Variants in NEGR1 observed in about 807,000 individuals in gnomAD.
NEGR1 encodes the protein neuronal growth regulator 1.
Under a neutral mutation model 40.9 loss-of-function variants are expected in NEGR1, and 10 were observed. The observed-to-expected ratio is 0.24, with a 90% confidence interval of 0.15 to 0.42. The LOEUF (loss-of-function observed/expected upper bound fraction) is 0.42, where lower values mean the gene tolerates loss of function less well. Among genes scored for constraint, NEGR1 ranks in the 10% least tolerant of loss-of-function variants. The probability of loss-of-function intolerance (pLI) is 1.00; values close to 1 mark genes in which losing one functional copy is unlikely to be tolerated. For synonymous variants in NEGR1, 185 were observed against 166.8 expected (o/e 1.11, Z -0.84); for missense variants, 352 against 438.9 (o/e 0.80, Z 1.77).
At chr1:71,472,122 G>T (rs1646786699) in intron 6 of NEGR1, among the ~76,000 whole-genome samples, 1 of 152,094 alleles carries the variant, frequency 6.6e-6, no homozygotes, top group African/African-American at 2.4e-5. Context: ...ATTTGAGATT[G>T]GATGATCTCT....
At chr1:71,671,569 G>T (rs149210320) in intron 4 of NEGR1, among the ~76,000 whole-genome samples, 1 of 152,128 alleles carries the variant, frequency 6.6e-6, no homozygotes, top group Non-Finnish European at 1.5e-5. Flanking sequence ...TGATTTCCAG[G>T]TTATTGTTCA....
chr1:72,133,008 A>C (rs1298529813), intron 1 of NEGR1, among the ~76,000 whole-genome samples: 4 of 152,112 alleles, frequency 2.6e-5, no homozygotes, highest in Non-Finnish European at 4.4e-5. Flanking sequence ...AAAAAATAAT[A>C]AGACATTGAA....
At chr1:71,610,930 C>T in intron 5 of NEGR1, 96 bp downstream of exon 5, 1 of 1,298,826 alleles carries the variant, frequency 7.7e-7, no homozygotes, top group Non-Finnish European at 1.1e-6. Flanking sequence ...GAGAATCATT[C>T]AAGCCAGTTA....
Position 71,400,513 on chromosome 1 carries a change from G to A in NEGR1, c.*6933C>T, listed in dbSNP as rs1029734282. Reference sequence around the variant, plus strand: ...AAATATATTATTTTTTCAACAAGGTGGATTCTCGAAGCAAGGTAGTTCTTG... The same window carrying A: ...AAATATATTATTTTTTCAACAAGGTAGATTCTCGAAGCAAGGTAGTTCTTG... On this transcript the variant is annotated 3_prime_UTR_variant, in exon 7 of 7. Transcript: ENST00000357731. 22 of 151,784 alleles carry A rather than the reference G, an allele frequency of 1.4e-4. No homozygotes were observed. Among genetic ancestry groups the A allele is most frequent in the Admixed American group, 1.4e-3 (22 of 15,220 alleles). The allele number at this position is 151,784 out of a possible 1,614,324, so 9.4% of individuals were successfully genotyped here. A position where few individuals can be genotyped will look rare whatever the true frequency, so the allele number is the denominator to read the frequency against.
intron 2 of NEGR1, among the ~76,000 whole-genome samples, chr1:71,800,117 A>G (rs1304357784): frequency 6.6e-6 from 1 of 152,050 alleles, no homozygotes; most frequent in African/African-American, 2.4e-5. Flanking sequence ...AGCTTTTTTC[A>G]TATGTTTGTT....
At chr1:72,156,608 A>G (rs1451902546) in intron 1 of NEGR1, among the ~76,000 whole-genome samples, 2 of 152,066 alleles carry the variant, frequency 1.3e-5, no homozygotes, top group Non-Finnish European at 2.9e-5. Flanking sequence ...ATTTTTTGTC[A>G]TTGCTGTTGC....
intron 1 of NEGR1, among the ~76,000 whole-genome samples, chr1:72,077,289 A>G (rs1056822994): frequency 2.6e-5 from 4 of 152,078 alleles, no homozygotes; most frequent in Admixed American, 2.0e-4. Context: ...TGTGTTGAAG[A>G]TGGTGGAACA....
chr1:71,874,119 G>T (rs961688532), intron 2 of NEGR1, among the ~76,000 whole-genome samples: 1 of 152,064 alleles, frequency 6.6e-6, no homozygotes, highest in Non-Finnish European at 1.5e-5. Flanking sequence ...CTATTCTTCT[G>T]CAATTAATTC....
chr1:71,630,758 T>C (rs1372541720), intron 4 of NEGR1, among the ~76,000 whole-genome samples: 3 of 151,880 alleles, frequency 2.0e-5, no homozygotes, highest in Admixed American at 6.6e-5. Context: ...GCATAATTTA[T>C]AAAAACCAAA....
At chr1:72,063,841 A>G (rs2630382) in intron 1 of NEGR1, among the ~76,000 whole-genome samples, 148,582 of 151,918 alleles carry the variant, frequency 0.98, 72,763 homozygotes, top group Middle Eastern at 1. Flanking sequence ...CTTGATCACA[A>G]TGGCTATGTG....
At chr1:72,128,878 TAATAG>T (rs1650132883) in intron 1 of NEGR1, among the ~76,000 whole-genome samples, 1 of 152,152 alleles carries the variant, frequency 6.6e-6, no homozygotes, top group Admixed American at 6.5e-5. Flanking sequence ...TTCAAAATGT[TAATAG>T]CCTAAATGGA....
intron 1 of NEGR1, chr1:72,275,038 G>A (rs1302169767): frequency 6.6e-7 from 1 of 1,512,734 alleles, no homozygotes. Flanking sequence ...ACCAGCTTTG[G>A]AGCTCTTGGA....
chr1:71,854,237 C>A (rs992343876), intron 2 of NEGR1, among the ~76,000 whole-genome samples: 1 of 152,012 alleles, frequency 6.6e-6, no homozygotes, highest in Non-Finnish European at 1.5e-5. Flanking sequence ...ACATTTAGAA[C>A]ACTGACTGCA....
intron 6 of NEGR1, chr1:71,422,623 C>T (rs1646405302): frequency 6.6e-6 from 1 of 152,062 alleles, no homozygotes; most frequent in Non-Finnish European, 1.5e-5. Flanking sequence ...GGCTTAGCAG[C>T]TACAGGAAAA....
At chr1:71,533,590 G>C (rs1375704783) in intron 6 of NEGR1, among the ~76,000 whole-genome samples, 1 of 151,512 alleles carries the variant, frequency 6.6e-6, no homozygotes, top group Non-Finnish European at 1.5e-5. Context: ...AGGCACTGTT[G>C]GCTATGTCTC....
chr1:72,220,605 A>G (rs1653980268), intron 1 of NEGR1, among the ~76,000 whole-genome samples: 1 of 152,090 alleles, frequency 6.6e-6, no homozygotes, highest in African/African-American at 2.4e-5. Context: ...CAAATTTGTG[A>G]TATAGTACTT....
chr1:71,670,040 A>G (rs759036361), intron 4 of NEGR1, among the ~76,000 whole-genome samples: 2 of 152,022 alleles, frequency 1.3e-5, no homozygotes, highest in Non-Finnish European at 2.9e-5. Context: ...TACCCTTTCC[A>G]TTATTCTTCA....
intron 1 of NEGR1, among the ~76,000 whole-genome samples, chr1:72,052,163 G>T (rs115978666): frequency 5.6e-4 from 85 of 151,448 alleles, no homozygotes; most frequent in Non-Finnish European, 1.1e-3. Context: ...ATTAGCAGGT[G>T]GACAACTATA....
At chr1:72,178,900 G>T (rs893519052) in intron 1 of NEGR1, among the ~76,000 whole-genome samples, 2 of 151,326 alleles carry the variant, frequency 1.3e-5, no homozygotes, top group East Asian at 2.0e-4. Context: ...TAATGGGGTT[G>T]GTTCTGCTTG....
Sources: allele counts gnomAD v4.1 joint callset (sites outside exome capture counted in the v4.1 genomes callset), GRCh38; gene constraint gnomAD v4.1.1; transcripts MANE v1.5; gene names NCBI Gene and HGNC (gene_info 2026-07-23, HGNC 2026-07-21).